PIK3CA: variants seen among roughly 807,000 people sequenced by gnomAD.
PIK3CA encodes phosphatidylinositol 4,5-bisphosphate 3-kinase catalytic subunit alpha isoform.
A neutral mutation model predicts 138.2 loss-of-function variants in PIK3CA; 27 were observed. The ratio of observed to expected loss-of-function variants is 0.20; its 90% CI spans 0.14 to 0.27. The LOEUF is 0.27. Ranked by LOEUF, PIK3CA falls within the 10% of genes least tolerant of loss-of-function variation. PIK3CA has a pLI of 1.00. For synonymous variants in PIK3CA, 358 were observed against 413.2 expected (o/e 0.87, Z 1.62); for missense variants, 544 against 1,277.4 (o/e 0.43, Z 8.75).
At chr3:179,177,490 T>C (rs1298123948) in intron 1 of PIK3CA, among the ~76,000 whole-genome samples, 1 of 152,012 alleles carries the variant, frequency 6.6e-6, no homozygotes, top group African/African-American at 2.4e-5. Context: ...TTTTTGAATT[T>C]TTAGTAGAGA....
rs1725316061 is a variant in PIK3CA at position 179,235,472 on chromosome 3, A to C, written c.*1108A>C. 1 of 189,834 alleles carries C rather than the reference A, an allele frequency of 5.3e-6. No homozygotes were observed. Among genetic ancestry groups the C allele is most frequent in the Non-Finnish European group, 1.1e-5 (1 of 90,362 alleles). The allele number at this position is 189,834 out of a possible 1,614,324, so 11.8% of individuals were successfully genotyped here. A position where few individuals can be genotyped will look rare whatever the true frequency, so the allele number is the denominator to read the frequency against. On this transcript the variant is annotated 3_prime_UTR_variant, in exon 21 of 21. Transcript: ENST00000263967. ...GCTCAGGCACTATCCCATTTATACC[A>C]ATAACCAGTGTATAACTACTTAAGG...
At chr3:179,193,782 G>A (rs1189279342) in intron 1 of PIK3CA, among the ~76,000 whole-genome samples, 1 of 152,188 alleles carries the variant, frequency 6.6e-6, no homozygotes, top group African/African-American at 2.4e-5. Context: ...GTAGTGATTT[G>A]TCAGTATGCA....
intron 16 of PIK3CA, among the ~76,000 whole-genome samples, chr3:179,225,457 C>T (rs989272934): frequency 3.3e-5 from 5 of 151,368 alleles, no homozygotes; most frequent in East Asian, 1.9e-4. Flanking sequence ...GCAGTGAATT[C>T]TGTTGATCCC....
At chr3:179,175,279 T>C (rs977620218) in intron 1 of PIK3CA, among the ~76,000 whole-genome samples, 1 of 152,230 alleles carries the variant, frequency 6.6e-6, no homozygotes, top group African/African-American at 2.4e-5. Flanking sequence ...GAGTGTAGAA[T>C]GCTAGATTGA....
intron 1 of PIK3CA, among the ~76,000 whole-genome samples, chr3:179,195,098 AGGAATCTTG>A (rs755759943): frequency 2.1e-4 from 32 of 151,912 alleles, no homozygotes; most frequent in Non-Finnish European, 4.0e-4. Flanking sequence ...ACATTTCAAT[AGGAATCTTG>A]GGAATCTGGG....
At chr3:179,209,031 T>TAG (rs1311004155) in intron 6 of PIK3CA, among the ~76,000 whole-genome samples, 4 of 147,058 alleles carry the variant, frequency 2.7e-5, no homozygotes, top group African/African-American at 9.9e-5. Flanking sequence ...ATATAGTATA[T>TAG]TATATAATAT....
intron 1 of PIK3CA, among the ~76,000 whole-genome samples, chr3:179,162,669 G>GA (rs141471157): frequency 6.6e-5 from 10 of 151,772 alleles, no homozygotes; most frequent in Non-Finnish European, 1.0e-4. Flanking sequence ...TAGAAAACGG[G>GA]AAAAAAACCC....
At chr3:179,191,618 G>T (rs1401794154) in intron 1 of PIK3CA, among the ~76,000 whole-genome samples, 2 of 151,862 alleles carry the variant, frequency 1.3e-5, no homozygotes, top group Non-Finnish European at 2.9e-5. Context: ...AAAAACATAA[G>T]TATTTGGTGT....
At chr3:179,232,908 A>AGC (rs1056383161) in intron 20 of PIK3CA, among the ~76,000 whole-genome samples, 11 of 151,868 alleles carry the variant, frequency 7.2e-5, no homozygotes, top group Non-Finnish European at 4.4e-5. Context: ...CCCAGGCTAG[A>AGC]GCGTAGTGGT....
chr3:179,231,622 T>A (rs181481863), intron 20 of PIK3CA, among the ~76,000 whole-genome samples: 1 of 144,652 alleles, frequency 6.9e-6, no homozygotes, highest in East Asian at 2.0e-4. Flanking sequence ...ATTCATGTCC[T>A]TAGCCCACTT....
At chr3:179,170,068 GCGCGCGCGC>G (rs1723516745) in intron 1 of PIK3CA, among the ~76,000 whole-genome samples, 1 of 48,714 alleles carries the variant, frequency 2.1e-5, no homozygotes, top group Admixed American at 2.6e-4. Context: ...GCGTGCACAC[GCGCGCGCGC>G]ACACACACAC....
intron 1 of PIK3CA, among the ~76,000 whole-genome samples, chr3:179,165,798 T>C (rs534221252): frequency 3.3e-5 from 5 of 152,192 alleles, no homozygotes; most frequent in Non-Finnish European, 7.3e-5. Context: ...ACCCCTGTTC[T>C]TGTGCTCATG....
intron 1 of PIK3CA, among the ~76,000 whole-genome samples, chr3:179,181,044 G>A (rs1396096054): frequency 6.6e-6 from 1 of 151,910 alleles, no homozygotes; most frequent in Non-Finnish European, 1.5e-5. Context: ...TGTGTGTTTT[G>A]TCCTGGCAAA....
chr3:179,206,057 G>T (rs1724550986), intron 6 of PIK3CA, among the ~76,000 whole-genome samples: 2 of 147,636 alleles, frequency 1.4e-5, no homozygotes, highest in Admixed American at 1.3e-4. Context: ...GGTCAGAAAT[G>T]AGATTGTGAC....
chr3:179,223,185 T>C (rs1725006851), intron 14 of PIK3CA, among the ~76,000 whole-genome samples: 1 of 152,204 alleles, frequency 6.6e-6, no homozygotes, highest in Non-Finnish European at 1.5e-5. Context: ...ATCTAGTCAG[T>C]GATGATTAGA....
chr3:179,170,095 C>CACAA (rs1560126900), intron 1 of PIK3CA, among the ~76,000 whole-genome samples: 4 of 151,796 alleles, frequency 2.6e-5, no homozygotes, highest in African/African-American at 9.7e-5. Flanking sequence ...CACACACACA[C>CACAA]ACACGACCTT....
At chr3:179,150,180 TGTG>T (rs1373143089) in intron 1 of PIK3CA, among the ~76,000 whole-genome samples, 1 of 151,426 alleles carries the variant, frequency 6.6e-6, no homozygotes, top group Non-Finnish European at 1.5e-5. Flanking sequence ...CGTGTGTGTG[TGTG>T]TGTGTGTGTG....
chr3:179,180,857 G>T (rs958219058), intron 1 of PIK3CA, among the ~76,000 whole-genome samples: 2 of 152,056 alleles, frequency 1.3e-5, no homozygotes, highest in Admixed American at 1.3e-4. Context: ...AATTAATGAA[G>T]ATGTTTTAAG....
In PIK3CA at chr3:179,220,934, T is replaced by C. The variant is rs2108413049; in HGVS notation, c.2016-52T>C. On this transcript the variant is annotated intron_variant, in intron 13 of 20. Coordinates refer to ENST00000263967, the MANE Select transcript of PIK3CA (RefSeq NM_006218.4). This position sits in a 1 kb window ranked among gnomAD's most constrained non-coding sequence, Gnocchi z 4.1. ...AATTGTTTAGCAAAGATTATTTGTATACTGATTTAAGACTATATATATATA... is the reference window on the plus strand; with the variant it reads ...AATTGTTTAGCAAAGATTATTTGTACACTGATTTAAGACTATATATATATA... 1 of 1,102,276 alleles carries C rather than the reference T, an allele frequency of 9.1e-7. No homozygotes were observed. The allele number at this position is 1,102,276 out of a possible 1,614,324, so 68.3% of individuals were successfully genotyped here. A position where few individuals can be genotyped will look rare whatever the true frequency, so the allele number is the denominator to read the frequency against.
Sources: allele counts gnomAD v4.1 joint callset (sites outside exome capture counted in the v4.1 genomes callset), GRCh38; gene constraint gnomAD v4.1.1; non-coding constraint Gnocchi (gnomAD v3.1); transcripts MANE v1.5; gene names NCBI Gene and HGNC (gene_info 2026-07-23, HGNC 2026-07-21).